Variants in OSBPL11 observed in about 807,000 individuals in gnomAD.
The protein encoded by OSBPL11 is oxysterol-binding protein-related protein 11.
OSBPL11 carries 33 observed loss-of-function variants against 84.4 expected under a neutral mutation model. The ratio of observed to expected loss-of-function variants is 0.39; its 90% confidence interval spans 0.30 to 0.52. The LOEUF is 0.52. Ranked by LOEUF, OSBPL11 falls within the 20% of genes least tolerant of loss-of-function variation. The pLI is 0.72. For synonymous variants in OSBPL11, 276 were observed against 310.2 expected (o/e 0.89, Z 1.16); for missense variants, 736 against 901.1 (o/e 0.82, Z 2.35).
At chr3:125,537,648 G>A (rs1422107162) in intron 11 of OSBPL11, among the ~76,000 whole-genome samples, 2 of 152,244 alleles carry the variant, frequency 1.3e-5, no homozygotes, top group Middle Eastern at 3.4e-3. Context: ...TGATCTTAAT[G>A]TAAGATGTTT....
At chr3:125,585,324 T>G (rs1012408246) in intron 1 of OSBPL11, among the ~76,000 whole-genome samples, 3 of 151,692 alleles carry the variant, frequency 2.0e-5, no homozygotes, top group Non-Finnish European at 2.9e-5. Context: ...AGAGATGGAG[T>G]TTCGTAAAGA....
intron 8 of OSBPL11, among the ~76,000 whole-genome samples, chr3:125,556,832 AT>A (rs752604834): frequency 1.3e-5 from 2 of 152,232 alleles, no homozygotes; most frequent in African/African-American, 2.4e-5. Flanking sequence ...AAATTGTTTT[AT>A]GGAGGAAAAA....
intron 6 of OSBPL11, among the ~76,000 whole-genome samples, chr3:125,565,003 A>G (rs1403406839): frequency 2.0e-5 from 3 of 152,208 alleles, no homozygotes; most frequent in African/African-American, 7.2e-5. Flanking sequence ...TGAGCATCTA[A>G]TATCTAGTGC....
intron 6 of OSBPL11, among the ~76,000 whole-genome samples, chr3:125,566,322 T>C (rs762685921): frequency 6.6e-5 from 10 of 152,078 alleles, no homozygotes; most frequent in Admixed American, 3.9e-4. Flanking sequence ...CATTATTTTA[T>C]ACTTATTATT....
intron 6 of OSBPL11, among the ~76,000 whole-genome samples, chr3:125,564,424 G>A (rs1936126458): frequency 6.6e-6 from 1 of 152,142 alleles, no homozygotes; most frequent in Non-Finnish European, 1.5e-5. Flanking sequence ...CTGACCCAGT[G>A]AAGACAGTGG....
chr3:125,574,906 T>C (rs1023479103), intron 5 of OSBPL11, among the ~76,000 whole-genome samples: 2 of 152,164 alleles, frequency 1.3e-5, no homozygotes, highest in Non-Finnish European at 2.9e-5. Context: ...ACCAATGGAT[T>C]TTCATGTAAC....
Position 125,582,932 on chromosome 3 carries a change from G to T in OSBPL11, c.211C>A (p.Leu71Ile). 8 of 1,601,802 alleles carry T rather than the reference G, an allele frequency of 5.0e-6. No homozygotes were observed. Among genetic ancestry groups the T allele is most frequent in the Non-Finnish European group, 6.8e-6 (8 of 1,176,546 alleles). ...TACCTGTACTGCCACCCAGTGACAA[G>T]GTTGGTATACTTCATTAAATAGCCA... ...VYGYLMKYTNLVTGWQYRFFV... is the reference protein window; with the variant it reads ...VYGYLMKYTNIVTGWQYRFFV... The change falls in exon 2 of 13, where the codon CTT becomes ATT. Residue 71 changes from leucine to isoleucine, a missense_variant. By Grantham distance (5) the Leu-to-Ile change is conservative (BLOSUM62 2). Coordinates refer to ENST00000296220, the MANE Select transcript of OSBPL11 (RefSeq NM_022776.5).
chr3:125,532,672 T>C (rs976876758), intron 11 of OSBPL11, among the ~76,000 whole-genome samples: 2 of 150,358 alleles, frequency 1.3e-5, no homozygotes, highest in African/African-American at 4.9e-5. Context: ...TGGATATACA[T>C]GTGAAAAAAA....
Position 125,538,633 on chromosome 3 carries a change from C to A in OSBPL11, c.1842G>T (p.Arg614=). The A allele has an allele frequency of 6.3e-7, 1 of 1,596,064 alleles. No homozygotes were observed. Among genetic ancestry groups the A allele is most frequent in the Admixed American group, 1.8e-5 (1 of 56,002 alleles). The part of the protein sequence containing the change: ...TKPFYGGKLH[R]VTAEVKHNIT... ...TGTTGTGCTTTACTTCAGCTGTAAC[C>A]CTAGAAGCAGACAGAAAAGAAAGAT... is the stretch of plus-strand genomic sequence containing the variant. Residue 614 remains arginine, a splice_region_variant and synonymous_variant, in exon 11 of 13, where the codon CGG becomes CGT. Transcript: ENST00000296220.
rs141647464 is a variant in OSBPL11 at position 125,594,665 on chromosome 3, C to G, written c.136G>C (p.Gly46Arg). 20 of 1,613,746 alleles carry G rather than the reference C, an allele frequency of 1.2e-5. No homozygotes were observed. The African/African-American group carries it at 2.4e-4, about 19-fold the overall frequency. ...TACTGCCAGCCTTTTGCACTGCCACCGCGGCTGCTGCTGCTGCTACTGATT... is the reference window on the plus strand; with the variant it reads ...TACTGCCAGCCTTTTGCACTGCCACGGCGGCTGCTGCTGCTGCTACTGATT... The part of the protein sequence containing the change: ...GGISSSSSSR[G>R]GSAKGWQYSD... Residue 46 changes from glycine to arginine, a missense_variant, in exon 1 of 13, where the codon GGT (glycine) becomes CGT (arginine). By Grantham distance (125) the Gly-to-Arg change is moderately radical. Transcript: ENST00000296220.
At chr3:125,550,424 A>AG (rs1553733054) in intron 9 of OSBPL11, among the ~76,000 whole-genome samples, 125 of 149,296 alleles carry the variant, frequency 8.4e-4, no homozygotes, top group African/African-American at 2.8e-3. Context: ...AAAAAAAAAA[A>AG]AAGAGAGTAC....
rs575066469 is a variant in OSBPL11, at chr3:125,561,667, TA to T, written c.1015-1149del. Among the ~76,000 whole-genome samples the T allele has an allele frequency of 3.1e-4, 47 of 152,376 alleles. No individual in the cohort carries two copies. In the South Asian group the frequency reaches 7.7e-3, roughly 25 times the overall value. On this transcript the variant is annotated intron_variant, in intron 7 of 12. Coordinates refer to ENST00000296220, the MANE Select transcript of OSBPL11 (RefSeq NM_022776.5). ...ATCATGACGCTATTGTCATTAAGAC[TA>T]AACCCTTCTGCATTATTTTTATGTT...
At chr3:125,567,673 C>T (rs2107602963) in intron 5 of OSBPL11, 78 bp from the exon 6 acceptor site, 1 of 1,207,680 alleles carries the variant, frequency 8.3e-7, no homozygotes. Context: ...ATTTTAATTA[C>T]CAGATTCAGC....
Position 125,580,514 on chromosome 3 carries a change from C to CA in OSBPL11, c.234-475dup, listed in dbSNP as rs56041212. 6.7e-3 allele frequency among the ~76,000 whole-genome samples: 434 copies of CA among 64,880 alleles called. 8 individuals carry two copies. The highest frequency in any genetic ancestry group is 0.019 in the East Asian group (40 of 2,068). 42.6% of individuals were successfully genotyped at this position (64,880 alleles called of 152,430 possible). ...GGGCAAAAAGAGCAAAACTCCGTCTCAAAAAAAAAAAAAAAAAAAAAAAAA... is the reference window on the plus strand; with the variant it reads ...GGGCAAAAAGAGCAAAACTCCGTCTCAAAAAAAAAAAAAAAAAAAAAAAAAA... On this transcript the variant is annotated intron_variant, in intron 2 of 12. Coordinates refer to ENST00000296220, the MANE Select transcript of OSBPL11 (RefSeq NM_022776.5).
intron 11 of OSBPL11, among the ~76,000 whole-genome samples, chr3:125,537,356 T>C (rs1051123566): frequency 6.6e-6 from 1 of 152,090 alleles, no homozygotes. Context: ...ACCCACAGCA[T>C]TCCTTTTGCA....
At chr3:125,551,125 C>T (rs1935899690) in intron 9 of OSBPL11, among the ~76,000 whole-genome samples, 1 of 142,732 alleles carries the variant, frequency 7.0e-6, no homozygotes. Context: ...GACCATGCCA[C>T]TGCACTTCAG....
chr3:125,580,752 AAT>A (rs1295211623), intron 2 of OSBPL11, among the ~76,000 whole-genome samples: 1 of 152,166 alleles, frequency 6.6e-6, no homozygotes, highest in Non-Finnish European at 1.5e-5. Context: ...AATAAATCAA[AAT>A]ATGAGCTCTG....
intron 11 of OSBPL11, among the ~76,000 whole-genome samples, chr3:125,537,029 C>T (rs927104239): frequency 2.6e-5 from 4 of 151,244 alleles, no homozygotes; most frequent in African/African-American, 9.7e-5. Flanking sequence ...GCGTGGTGGT[C>T]GATGCCTGCA....
chr3:125,540,149 G>A (rs945262167), intron 10 of OSBPL11, among the ~76,000 whole-genome samples: 1 of 151,880 alleles, frequency 6.6e-6, no homozygotes, highest in Non-Finnish European at 1.5e-5. Flanking sequence ...CAAGAGTTAA[G>A]AGTAATTTTA....
Sources: gnomAD v4.1 joint callset for allele counts (sites outside exome capture counted in the v4.1 genomes callset) on GRCh38, gnomAD v4.1.1 for gene constraint, MANE v1.5 for transcripts, NCBI Gene and HGNC (gene_info 2026-07-23, HGNC 2026-07-21) for gene names.